The following G3BP2 variants were observed in gnomAD, a reference collection of about 807,000 sequenced individuals.
G3BP2 encodes the protein ras GTPase-activating protein-binding protein 2.
A neutral mutation model predicts 56.7 loss-of-function variants in G3BP2; 11 were observed. That is an observed-to-expected ratio of 0.19 (90% CI 0.12 to 0.32). The LOEUF is 0.32. G3BP2 is among the 10% of genes least tolerant of loss of function. The pLI is 1.00. For synonymous variants in G3BP2, 165 were observed against 191.6 expected (o/e 0.86, Z 1.15); for missense variants, 340 against 610.9 (o/e 0.56, Z 4.67).
At chr4:75,650,079 CAA>C in intron 8 of G3BP2, among the ~76,000 whole-genome samples, 1 of 152,182 alleles carries the variant, frequency 6.6e-6, no homozygotes, top group African/African-American at 2.4e-5. Flanking sequence ...TGCAGCGGCT[CAA>C]ACTCTTTAAT....
intron 3 of G3BP2, among the ~76,000 whole-genome samples, chr4:75,682,500 C>T (rs1734119607): frequency 6.6e-6 from 1 of 151,606 alleles, no homozygotes; most frequent in Admixed American, 6.6e-5. Flanking sequence ...ATGGGTAACT[C>T]GAAGGGGGAG....
intron 3 of G3BP2, among the ~76,000 whole-genome samples, chr4:75,709,419 CAAAAAAAAAA>C (rs34603185): frequency 4.2e-5 from 2 of 47,402 alleles, no homozygotes; most frequent in African/African-American, 8.7e-5. Context: ...GACTCCGTCT[CAAAAAAAAAA>C]AAAAAAAAAA....
chr4:75,709,420 A>AAAG (rs1491292385), intron 3 of G3BP2, among the ~76,000 whole-genome samples: 970 of 27,114 alleles, frequency 0.036, 17 homozygotes, highest in African/African-American at 0.12. Context: ...ACTCCGTCTC[A>AAAG]AAAAAAAAAA....
At chr4:75,662,113 A>G (rs898139594) in intron 1 of G3BP2, 64 bp from the exon 2 acceptor site, 1 of 987,434 alleles carries the variant, frequency 1.0e-6, no homozygotes, top group African/African-American at 1.6e-5. Context: ...ACCATGAAAT[A>G]AATTTTCTTT....
chr4:75,669,348 G>A (rs1472294764), intron 1 of G3BP2, among the ~76,000 whole-genome samples: 1 of 152,142 alleles, frequency 6.6e-6, no homozygotes, highest in African/African-American at 2.4e-5. Context: ...AAGCTCAGTC[G>A]TGACTTTCTC....
chr4:75,674,716 ATATTTTTT>A (rs1733783493), upstream of G3BP2, among the ~76,000 whole-genome samples: 3 of 53,082 alleles, frequency 5.7e-5, no homozygotes, highest in South Asian at 1.1e-3. Flanking sequence ...ATATATATAT[ATATTTTTT>A]TTTTTTTTTT....
At chr4:75,680,381 T>G (rs1734025919) in intron 3 of G3BP2, among the ~76,000 whole-genome samples, 1 of 152,220 alleles carries the variant, frequency 6.6e-6, no homozygotes, top group Non-Finnish European at 1.5e-5. Context: ...CTTCACTAAC[T>G]ACTTCTGTGA....
chr4:75,667,725 C>T (rs1359952715), intron 1 of G3BP2, among the ~76,000 whole-genome samples: 4 of 152,054 alleles, frequency 2.6e-5, no homozygotes, highest in Non-Finnish European at 5.9e-5. Context: ...CCCGTCTCTA[C>T]TAAAAATACA....
chr4:75,664,942 A>G (rs1243840637), intron 1 of G3BP2, among the ~76,000 whole-genome samples: 1 of 152,162 alleles, frequency 6.6e-6, no homozygotes, highest in East Asian at 1.9e-4. Flanking sequence ...GGAAAGCTTG[A>G]GGCCAGGAGT....
chr4:75,700,782 T>C (rs1295549381), intron 3 of G3BP2, among the ~76,000 whole-genome samples: 1 of 151,492 alleles, frequency 6.6e-6, no homozygotes, highest in Admixed American at 6.6e-5. Context: ...AAATACACTA[T>C]TAGTATTTAT....
rs1343400968 is a variant in G3BP2, at chr4:75,645,267, G to C, written c.*163C>G. 3.2e-6 allele frequency: 2 copies of C among 623,076 alleles called. No homozygotes were observed. Among genetic ancestry groups the C allele is most frequent in the Non-Finnish European group, 5.5e-6 (2 of 362,938 alleles). The allele number at this position is 623,076 out of a possible 1,614,324, so 38.6% of individuals were successfully genotyped here. The stretch of plus-strand genomic sequence containing the variant: ...ATGTGAATCCTGTTGTGAAATTGGG[G>C]AAATAATGTCCACCTCAATTTAACT... On this transcript the variant is annotated 3_prime_UTR_variant, in exon 12 of 12. Coordinates refer to ENST00000359707, the MANE Select transcript of G3BP2 (RefSeq NM_203505.3).
chr4:75,692,042 C>A (rs1718880103), intron 3 of G3BP2, among the ~76,000 whole-genome samples: 1 of 152,142 alleles, frequency 6.6e-6, no homozygotes. Flanking sequence ...TTGAGACATA[C>A]CTAGGGCATA....
chr4:75,694,739 G>A (rs988988814), intron 3 of G3BP2: 3 of 981,856 alleles, frequency 3.1e-6, no homozygotes, highest in South Asian at 9.4e-5. Flanking sequence ...ACTCTGTCTC[G>A]AAAAACAAAC....
intron 1 of G3BP2, among the ~76,000 whole-genome samples, chr4:75,668,706 C>A (rs759460393): frequency 7.9e-5 from 12 of 152,152 alleles, no homozygotes; most frequent in Non-Finnish European, 1.6e-4. Context: ...CTTTTGACTT[C>A]TCCTCCAATA....
chr4:75,714,550 C>T (rs1300375070), intron 3 of G3BP2, among the ~76,000 whole-genome samples: 2 of 152,066 alleles, frequency 1.3e-5, no homozygotes, highest in African/African-American at 4.8e-5. Context: ...ATCACTTGAA[C>T]CCGGGAGGCG....
At chr4:75,690,984 A>G (rs775463702) in intron 3 of G3BP2, among the ~76,000 whole-genome samples, 174 of 152,262 alleles carry the variant, frequency 1.1e-3, no homozygotes, top group Non-Finnish European at 2.0e-3. Flanking sequence ...TATAATCTTA[A>G]TTGCTCAGTG....
At chr4:75,693,902 AT>A (rs575693950) in intron 3 of G3BP2, among the ~76,000 whole-genome samples, 56 of 147,156 alleles carry the variant, frequency 3.8e-4, no homozygotes, top group Admixed American at 4.1e-4. Flanking sequence ...TGTCTGGCTA[AT>A]TTTTTTTTTT....
At chr4:75,654,164 T>G (rs1304588953) in intron 7 of G3BP2, 83 bp from the exon 8 acceptor site, 11 of 697,904 alleles carry the variant, frequency 1.6e-5, no homozygotes, top group Non-Finnish European at 2.9e-5. Flanking sequence ...ATATATATTT[T>G]CTTTTCATTT....
intron 1 of G3BP2, among the ~76,000 whole-genome samples, chr4:75,663,665 G>C (rs1732746819): frequency 6.6e-6 from 1 of 151,894 alleles, no homozygotes. Flanking sequence ...TTCAAGACCA[G>C]CCTGGCCAAG....
Sources: allele counts gnomAD v4.1 joint callset (sites outside exome capture counted in the v4.1 genomes callset), GRCh38; gene constraint gnomAD v4.1.1; transcripts MANE v1.5; gene names NCBI Gene and HGNC (gene_info 2026-07-23, HGNC 2026-07-21).